The following CTNND2 variants were observed in gnomAD, a reference collection of about 807,000 sequenced individuals.
The protein encoded by CTNND2 is catenin delta-2.
Under a neutral mutation model 144.4 loss-of-function variants are expected in CTNND2, and 22 were observed. The ratio of observed to expected loss-of-function variants is 0.15; its 90% CI spans 0.11 to 0.22. CTNND2 has a LOEUF of 0.22. CTNND2 is among the 10% of genes least tolerant of loss of function. CTNND2 has a pLI of 1.00. For synonymous variants in CTNND2, 751 were observed against 695.6 expected (o/e 1.08, Z -1.25); for missense variants, 1,353 against 1,618.8 (o/e 0.84, Z 2.82).
chr5:11,548,572 G>C (rs1223864830), intron 3 of CTNND2, among the ~76,000 whole-genome samples: 2 of 152,132 alleles, frequency 1.3e-5, no homozygotes, highest in Non-Finnish European at 2.9e-5. Context: ...ATGTAGTTCA[G>C]TATAATATTT....
chr5:11,154,635 G>A (rs542341261), intron 12 of CTNND2, among the ~76,000 whole-genome samples: 21 of 152,100 alleles, frequency 1.4e-4, no homozygotes, highest in Non-Finnish European at 2.6e-4. Flanking sequence ...TTTTCTTACT[G>A]GAGTGACCAT....
Position 11,346,642 on chromosome 5 carries a change from T to A in CTNND2, c.1373-15A>T. ...GGAAGATGGGGCTACGACAGGAAAGTAGGGACAAAGTAAAAAATTGAGGAC... is the reference window on the plus strand; with the variant it reads ...GGAAGATGGGGCTACGACAGGAAAGAAGGGACAAAGTAAAAAATTGAGGAC... On this transcript the variant is annotated splice_polypyrimidine_tract_variant and intron_variant, in intron 8 of 21. Transcript: ENST00000304623. 6.9e-7 allele frequency: 1 copy of A among 1,443,922 alleles called. No homozygotes were observed. Among genetic ancestry groups the A allele is most frequent in the Non-Finnish European group, 9.1e-7 (1 of 1,095,192 alleles). 89.4% of individuals were successfully genotyped at this position (1,443,922 alleles called of 1,614,324 possible).
At chr5:11,298,601 G>C (rs1749258354) in intron 9 of CTNND2, among the ~76,000 whole-genome samples, 1 of 152,144 alleles carries the variant, frequency 6.6e-6, no homozygotes, top group African/African-American at 2.4e-5. Context: ...CTCTCATTTA[G>C]TTATGTCTCT....
intron 3 of CTNND2, among the ~76,000 whole-genome samples, chr5:11,466,502 T>C (rs533413911): frequency 1.3e-5 from 2 of 152,328 alleles, no homozygotes; most frequent in Admixed American, 6.5e-5. Flanking sequence ...GACTATGATA[T>C]ATAACAGAAG....
At chr5:11,487,376 C>T (rs1034462638) in intron 3 of CTNND2, among the ~76,000 whole-genome samples, 5 of 152,156 alleles carry the variant, frequency 3.3e-5, no homozygotes, top group African/African-American at 9.7e-5. Flanking sequence ...AATATACCAC[C>T]ATTTTTACTA....
intron 3 of CTNND2, among the ~76,000 whole-genome samples, chr5:11,537,074 T>C (rs1033510787): frequency 6.6e-6 from 1 of 151,912 alleles, no homozygotes; most frequent in South Asian, 2.1e-4. Flanking sequence ...AGGCAGCAAT[T>C]AGTCTCTAGT....
intron 1 of CTNND2, among the ~76,000 whole-genome samples, chr5:11,855,654 C>A (rs1350153285): frequency 6.6e-6 from 1 of 152,168 alleles, no homozygotes; most frequent in Non-Finnish European, 1.5e-5. Flanking sequence ...TGTTCTTGAA[C>A]TCAGTCACTT....
intron 12 of CTNND2, among the ~76,000 whole-genome samples, chr5:11,130,132 G>A (rs1441366935): frequency 6.6e-6 from 1 of 152,092 alleles, no homozygotes; most frequent in Non-Finnish European, 1.5e-5. Context: ...ATGATGGCTT[G>A]GTAATTGCTT....
chr5:11,377,797 G>C (rs150717476), intron 7 of CTNND2, among the ~76,000 whole-genome samples: 1 of 152,248 alleles, frequency 6.6e-6, no homozygotes, highest in East Asian at 1.9e-4. Flanking sequence ...TGTTAAAATT[G>C]CACTGTTCCC....
At chr5:11,610,697 C>T (rs1462645000) in intron 2 of CTNND2, among the ~76,000 whole-genome samples, 1 of 152,110 alleles carries the variant, frequency 6.6e-6, no homozygotes, top group Non-Finnish European at 1.5e-5. Flanking sequence ...CCCAAAATAT[C>T]CAGAGAGTTC....
At chr5:11,218,043 T>C (rs1739386655) in intron 10 of CTNND2, among the ~76,000 whole-genome samples, 1 of 145,300 alleles carries the variant, frequency 6.9e-6, no homozygotes, top group Non-Finnish European at 1.5e-5. Context: ...CCCTTCTTCC[T>C]CCTTCCTCCT....
chr5:11,895,668 CA>C (rs11296611), intron 1 of CTNND2, among the ~76,000 whole-genome samples: 102,541 of 151,946 alleles, frequency 0.67, 35,818 homozygotes, highest in South Asian at 0.82. Context: ...ATTATGCTCC[CA>C]AAATAGGAAC....
At chr5:11,825,827 T>A (rs1793573266) in intron 1 of CTNND2, among the ~76,000 whole-genome samples, 1 of 152,130 alleles carries the variant, frequency 6.6e-6, no homozygotes, top group South Asian at 2.1e-4. Context: ...ATAACAACGA[T>A]GCAACACTTT....
chr5:11,404,738 C>T (rs1474725274), intron 5 of CTNND2, among the ~76,000 whole-genome samples: 1 of 150,324 alleles, frequency 6.7e-6, no homozygotes, highest in East Asian at 2.0e-4. Context: ...CTGCCTCAGC[C>T]TCTCAAGTAG....
At chr5:11,285,274 A>T (rs1444676771) in intron 9 of CTNND2, among the ~76,000 whole-genome samples, 3 of 152,162 alleles carry the variant, frequency 2.0e-5, no homozygotes, top group African/African-American at 7.2e-5. Context: ...CTTAGCTTTA[A>T]GTCCCCACTT....
At chr5:11,097,644 T>C (rs1751482801) in intron 15 of CTNND2, among the ~76,000 whole-genome samples, 2 of 152,174 alleles carry the variant, frequency 1.3e-5, no homozygotes, top group South Asian at 4.1e-4. Context: ...AGGGTGTAGT[T>C]ACATAATGTT....
intron 3 of CTNND2, among the ~76,000 whole-genome samples, chr5:11,558,349 T>TAC (rs1561554259): frequency 1.4e-4 from 14 of 97,142 alleles, no homozygotes; most frequent in African/African-American, 4.9e-4. Flanking sequence ...CACGTGTGTG[T>TAC]GTGTGTGTGT....
At chr5:11,554,333 G>A (rs1776032372) in intron 3 of CTNND2, among the ~76,000 whole-genome samples, 1 of 152,070 alleles carries the variant, frequency 6.6e-6, no homozygotes, top group Non-Finnish European at 1.5e-5. Context: ...GCATCCCTAG[G>A]GTGAAAACAG....
chr5:11,697,266 C>G (rs1267917269), intron 2 of CTNND2, among the ~76,000 whole-genome samples: 1 of 152,116 alleles, frequency 6.6e-6, no homozygotes. Context: ...AGCTGCCATT[C>G]CATTGCCCCC....
Sources: gnomAD v4.1 joint callset for allele counts (sites outside exome capture counted in the v4.1 genomes callset) on GRCh38, gnomAD v4.1.1 for gene constraint, MANE v1.5 for transcripts, NCBI Gene and HGNC (gene_info 2026-07-23, HGNC 2026-07-21) for gene names.